GNAS: variants seen among roughly 807,000 people sequenced by gnomAD.
GNAS encodes the protein GNAS complex locus, also known as protein ALEX.
A neutral mutation model predicts 54.5 loss-of-function variants in GNAS; 8 were observed. The ratio of observed to expected loss-of-function variants is 0.15; its 90% confidence interval spans 0.09 to 0.26. The LOEUF (loss-of-function observed/expected upper bound fraction) is 0.26. Among genes scored for constraint, GNAS ranks in the 10% least tolerant of loss-of-function variants. The pLI is 1.00. For missense variants in GNAS, 170 were observed against 529.8 expected (o/e 0.32, Z 6.67); for synonymous variants, 204 against 191.4 (o/e 1.07, Z -0.54).
At chr20:58,887,884 TA>T (rs1361103624), upstream of GNAS, among the ~76,000 whole-genome samples, 24 of 152,048 alleles carry the variant, frequency 1.6e-4, no homozygotes, top group Non-Finnish European at 2.9e-5. Context: ...CCAAGAAAAA[TA>T]ATATGTGGCA....
intron 1 of GNAS, chr20:58,854,552 C>T (rs2145572557): frequency 6.4e-7 from 1 of 1,570,508 alleles, no homozygotes; most frequent in Non-Finnish European, 8.6e-7. Flanking sequence ...CAGCCGATCC[C>T]GACTCCGGGG....
intron 6 of GNAS, among the ~76,000 whole-genome samples, chr20:58,907,168 TCTG>T (rs2091117105): frequency 6.6e-6 from 1 of 152,212 alleles, no homozygotes; most frequent in South Asian, 2.1e-4. Context: ...CATATAAGCC[TCTG>T]TTAGGGTCTG....
upstream of GNAS, chr20:58,888,721 G>A (rs2088783812): frequency 6.6e-6 from 1 of 152,048 alleles, no homozygotes; most frequent in African/African-American, 2.4e-5. Flanking sequence ...CCGAAGATAC[G>A]AAACTCCGTC....
rs2089341511 is a variant in GNAS at position 58,891,632 on chromosome 20, C to T, written c.-95C>T. ...GAGCCGAGCCCGCGCCCGGCCCGCC[C>T]GCCCGGCGCTGCCCCGGCCCTCCCG... On this transcript the variant is annotated 5_prime_UTR_variant, in exon 1 of 13. Transcript: ENST00000371085. 1.0e-6 allele frequency: 1 copy of T among 970,810 alleles called. No individual in the cohort carries two copies. Among genetic ancestry groups the T allele is most frequent in the Admixed American group, 6.5e-5 (1 of 15,294 alleles). The allele number at this position is 970,810 out of a possible 1,614,324, so 60.1% of individuals were successfully genotyped here. A position where few individuals can be genotyped will look rare whatever the true frequency, so the allele number is the denominator to read the frequency against.
chr20:58,880,349 C>T (rs2088144021), intron 1 of GNAS, among the ~76,000 whole-genome samples: 1 of 152,192 alleles, frequency 6.6e-6, no homozygotes, highest in Non-Finnish European at 1.5e-5. Flanking sequence ...ATGATCAGAC[C>T]TTCAAAGCGC....
At position 58,910,224 on chromosome 20, in the gene GNAS, C is replaced by T. The variant is rs541400667; in HGVS notation, c.971-110C>T. ...CAAGAAAAACGCACTCCCACTAATTCTCATATGGAAAAATCAGGGTTTTGA... is the reference window on the plus strand; with the variant it reads ...CAAGAAAAACGCACTCCCACTAATTTTCATATGGAAAAATCAGGGTTTTGA... On this transcript the variant is annotated intron_variant, in intron 11 of 12. Coordinates refer to ENST00000371085, the MANE Select transcript of GNAS (RefSeq NM_000516.7). This position sits in a 1 kb window ranked among gnomAD's most constrained non-coding sequence, Gnocchi z 5.8. 1.4e-5 allele frequency: 17 copies of T among 1,257,126 alleles called. No homozygotes were observed. In the Admixed American group the frequency reaches 2.5e-4, roughly 19 times the overall value. The allele number at this position is 1,257,126 out of a possible 1,614,324, so 77.9% of individuals were successfully genotyped here.
Position 58,841,848 on chromosome 20 carries a change from G to A in GNAS, c.43+962G>A, listed in dbSNP as rs2085742822. 1 of 1,230,904 alleles carries A rather than the reference G, an allele frequency of 8.1e-7. No individual in the cohort carries two copies. Among genetic ancestry groups the A allele is most frequent in the Non-Finnish European group, 1.0e-6 (1 of 987,978 alleles). The allele number at this position is 1,230,904 out of a possible 1,614,324, so 76.2% of individuals were successfully genotyped here. ...GGGCTGTTTGCGCAGGACCTCTGGA[G>A]GCCCTCGAGATCGTCGCAAGTGGAA... On this transcript the variant is annotated intron_variant, in intron 1 of 12. Transcript: ENST00000306090. The surrounding 1 kb of genome is among the most constrained non-coding windows in gnomAD (Gnocchi z 5.0).
Position 58,840,857 on chromosome 20 carries a change from T to C in GNAS, c.14T>C (p.Val5Ala), listed in dbSNP as rs1205141340. 2 of 1,612,680 alleles carry C rather than the reference T, an allele frequency of 1.2e-6. No homozygotes were observed. The highest frequency in any genetic ancestry group is 1.7e-6 in the Non-Finnish European group (2 of 1,179,912). The change falls in exon 1 of 13, where the codon GTC becomes GCC. Residue 5 changes from valine (V) to alanine (A), a missense_variant. Physicochemically the swap from Val to Ala is moderately conservative, Grantham distance 64. Transcript: ENST00000306090. The surrounding 1 kb of genome is among the most constrained non-coding windows in gnomAD (Gnocchi z 6.0). ...CCGGCGTCACTAATGGAGGACGCCG[T>C]CCAGATTCTCCTTGTTTTCATGGAT...
In GNAS at chr20:58,855,307, T is replaced by C. The variant is rs1303956359; in HGVS notation, c.43+14421T>C. 2 of 1,579,466 alleles carry C rather than the reference T, an allele frequency of 1.3e-6. No individual in the cohort carries two copies. Among genetic ancestry groups the C allele is most frequent in the East Asian group, 2.3e-5 (1 of 42,902 alleles). On this transcript the variant is annotated intron_variant, in intron 1 of 12. Transcript: ENST00000306090. The stretch of plus-strand genomic sequence containing the variant: ...CTCCAGGACGAAAAGATGGGCTACA[T>C]GTGTACGCACCGCCTGCTGCTTCTA...
intron 1 of GNAS, 74 bp from the exon 2 acceptor site, chr20:58,895,538 A>C (rs961061135): frequency 5.9e-5 from 53 of 896,368 alleles, no homozygotes; most frequent in Non-Finnish European, 9.2e-5. Context: ...AAAACAAAAC[A>C]ACAACAGCAG....
At position 58,891,459 on chromosome 20, in the gene GNAS, C is replaced by T. The variant is rs2089295877; in HGVS notation, c.-268C>T. On this transcript the variant is annotated 5_prime_UTR_variant, in exon 1 of 13. Coordinates refer to ENST00000371085, the MANE Select transcript of GNAS (RefSeq NM_000516.7). ...GCTCCTGCTCTGGTCCGCCTCGGCC[C>T]GGCGGCGGCCATCAGCCCCCTCGGC... 1 of 786,090 alleles carries T rather than the reference C, an allele frequency of 1.3e-6. No individual in the cohort carries two copies. The highest frequency in any genetic ancestry group is 1.5e-6 in the Non-Finnish European group (1 of 649,638). The allele number at this position is 786,090 out of a possible 1,614,324, so 48.7% of individuals were successfully genotyped here.
At chr20:58,889,467 G>C, upstream of GNAS, 2 of 441,170 alleles carry the variant, frequency 4.5e-6, no homozygotes, top group Non-Finnish European at 6.0e-6. Flanking sequence ...CTTGCCCCGG[G>C]GCGCCTCCGG....
Position 58,909,313 on chromosome 20 carries a change from G to A in GNAS, c.586-37G>A, listed in dbSNP as rs751268035. On this transcript the variant is annotated intron_variant, in intron 7 of 12. Transcript: ENST00000371085. This position sits in a 1 kb window ranked among gnomAD's most constrained non-coding sequence, Gnocchi z 7.3. ...TTGGCAATTATTACTGTTTCGGTTGGCTTTGGTGAGATCCATTGACCTCAA... is the reference window on the plus strand; with the variant it reads ...TTGGCAATTATTACTGTTTCGGTTGACTTTGGTGAGATCCATTGACCTCAA... 3 of 1,593,822 alleles carry A rather than the reference G, an allele frequency of 1.9e-6. No individual in the cohort carries two copies. The highest frequency in any genetic ancestry group is 1.7e-5 in the Admixed American group (1 of 60,006).
intron 1 of GNAS, chr20:58,895,310 C>T: frequency 9.6e-6 from 4 of 416,528 alleles, no homozygotes; most frequent in South Asian, 9.0e-5. Context: ...GTCATTCCTT[C>T]TCTTTGCCCC....
intron 1 of GNAS, among the ~76,000 whole-genome samples, chr20:58,878,473 A>G (rs1568955604): frequency 6.6e-6 from 1 of 152,206 alleles, no homozygotes; most frequent in Non-Finnish European, 1.5e-5. Context: ...TACTTCTTAC[A>G]TTTAGCAAGA....
intron 1 of GNAS, 122 bp from the exon 2 acceptor site, chr20:58,895,490 G>C (rs966667604): frequency 9.7e-6 from 7 of 722,684 alleles, no homozygotes; most frequent in Non-Finnish European, 1.8e-5. Context: ...GCAAGTCTGT[G>C]ATTTTGTGTT....
At chr20:58,866,194 T>C (rs1296283934) in intron 1 of GNAS, among the ~76,000 whole-genome samples, 2 of 152,178 alleles carry the variant, frequency 1.3e-5, no homozygotes, top group Non-Finnish European at 2.9e-5. Flanking sequence ...GTCTCCCTAG[T>C]CTCAGGCCCA....
chr20:58,902,355 G>A (rs899359790), intron 3 of GNAS, among the ~76,000 whole-genome samples: 1 of 152,118 alleles, frequency 6.6e-6, no homozygotes, highest in Admixed American at 6.6e-5. Context: ...TTCTAATGAA[G>A]GCTAGTTTCT....
rs2146281555 is a variant in GNAS, at chr20:58,909,612, A to C, written c.718+33A>C. On this transcript the variant is annotated intron_variant, in intron 9 of 12. Transcript: ENST00000371085. This position sits in a 1 kb window ranked among gnomAD's most constrained non-coding sequence, Gnocchi z 7.3. ...GCTGTGGGCTTGGCTGTTCGTAAAGAACGCTTTGCTTCTGTGTTGTTAGGG... is the reference window on the plus strand; with the variant it reads ...GCTGTGGGCTTGGCTGTTCGTAAAGCACGCTTTGCTTCTGTGTTGTTAGGG... 4 of 1,614,146 alleles carry C rather than the reference A, an allele frequency of 2.5e-6. No individual in the cohort carries two copies. Among genetic ancestry groups the C allele is most frequent in the Non-Finnish European group, 3.4e-6 (4 of 1,179,990 alleles).
Sources: allele counts gnomAD v4.1 joint callset (sites outside exome capture counted in the v4.1 genomes callset), GRCh38; gene constraint gnomAD v4.1.1; non-coding constraint Gnocchi (gnomAD v3.1); transcripts MANE v1.5; gene names NCBI Gene and HGNC (gene_info 2026-07-23, HGNC 2026-07-21).